Variants in FAM13B observed in about 807,000 individuals in gnomAD.
FAM13B encodes protein FAM13B.
In FAM13B, 60 loss-of-function variants were observed where a neutral mutation model predicts 117.3. That is an observed-to-expected ratio of 0.51 (90% CI 0.42 to 0.63). FAM13B has a LOEUF of 0.63. Among genes scored for constraint, FAM13B ranks in the 30% least tolerant of loss-of-function variants. The probability of loss-of-function intolerance (pLI) is 0.00; values close to 1 mark genes in which losing one functional copy is unlikely to be tolerated. For missense variants in FAM13B, 972 were observed against 1,091.9 expected (o/e 0.89, Z 1.55); for synonymous variants, 332 against 356.1 (o/e 0.93, Z 0.76).
chr5:138,007,770 T>TC (rs1464526350), intron 6 of FAM13B, among the ~76,000 whole-genome samples: 1 of 152,232 alleles, frequency 6.6e-6, no homozygotes, highest in African/African-American at 2.4e-5. Flanking sequence ...ATTATGAAAC[T>TC]GGCTACGTAG....
At chr5:138,017,495 C>T (rs1785559149) in intron 4 of FAM13B, among the ~76,000 whole-genome samples, 2 of 152,042 alleles carry the variant, frequency 1.3e-5, no homozygotes, top group Non-Finnish European at 2.9e-5. Context: ...AAATGAACTC[C>T]ATAATACCAA....
At chr5:137,947,244 AAT>A (rs536604255) in intron 18 of FAM13B, among the ~76,000 whole-genome samples, 406 of 152,336 alleles carry the variant, frequency 2.7e-3, no homozygotes, top group Non-Finnish European at 4.7e-3. Context: ...ATGAGAGTAA[AAT>A]TGAAGATTAA....
At chr5:137,963,546 T>A (rs1364487368) in intron 10 of FAM13B, among the ~76,000 whole-genome samples, 1 of 152,244 alleles carries the variant, frequency 6.6e-6, no homozygotes, top group African/African-American at 2.4e-5. Context: ...ATCTTCAATA[T>A]TTTTAAGAGT....
In FAM13B at chr5:138,011,422, C is replaced by CT. The variant is rs1215771958; in HGVS notation, c.549-274dup. Among the ~76,000 whole-genome samples the CT allele has an allele frequency of 1.8e-3, 263 of 144,932 alleles. 1 individual carries two copies. The highest frequency in any genetic ancestry group is 0.011 in the Middle Eastern group (3 of 270). On this transcript the variant is annotated intron_variant, in intron 5 of 23. Coordinates refer to ENST00000689681, the MANE Select transcript of FAM13B (RefSeq NM_001385994.1). ...ATTCCATTTCACATATCTAATTTTT[C>CT]TTTTTTTTTTTTATGAGATGGAGTC...
intron 1 of FAM13B, among the ~76,000 whole-genome samples, chr5:138,022,606 T>C (rs1473411304): frequency 6.6e-6 from 1 of 152,228 alleles, no homozygotes; most frequent in Non-Finnish European, 1.5e-5. Flanking sequence ...AATCTACCTA[T>C]CTATCCATTT....
chr5:138,045,805 C>T (rs547698019), intron 1 of FAM13B, among the ~76,000 whole-genome samples: 5 of 151,776 alleles, frequency 3.3e-5, no homozygotes, highest in South Asian at 2.1e-4. Context: ...ATTAGCCAGG[C>T]GTGGTGGTAG....
At chr5:138,034,188 A>C (rs895031887), upstream of FAM13B, 3 of 152,142 alleles carry the variant, frequency 2.0e-5, no homozygotes, top group African/African-American at 7.2e-5. Context: ...GCTCCCAGGA[A>C]CTCTGTCCAG....
chr5:137,953,827 T>C (rs909152416), intron 15 of FAM13B, among the ~76,000 whole-genome samples: 2 of 152,210 alleles, frequency 1.3e-5, no homozygotes, highest in African/African-American at 4.8e-5. Context: ...CTCAGCACCA[T>C]TTGCTGCTTC....
rs564178191 is a variant in FAM13B, at chr5:137,940,476, A to G, written c.2691-128T>C. The G allele has an allele frequency of 6.1e-6, 4 of 656,732 alleles. No individual in the cohort carries two copies. In the South Asian group the frequency reaches 8.8e-5, roughly 14 times the overall value. The allele number at this position is 656,732 out of a possible 1,614,324, so 40.7% of individuals were successfully genotyped here. ...AATAAAAAGTTGTTCTGTTAAAAAA[A>G]AAAAAAAAGGTTATTGAACTAATAC... On this transcript the variant is annotated intron_variant, in intron 23 of 23. Transcript: ENST00000689681.
intron 11 of FAM13B, among the ~76,000 whole-genome samples, chr5:137,961,895 A>C (rs575589711): frequency 6.6e-6 from 1 of 152,308 alleles, no homozygotes; most frequent in African/African-American, 2.4e-5. Flanking sequence ...CATTAGTCGA[A>C]ATACTCATTG....
intron 1 of FAM13B, among the ~76,000 whole-genome samples, chr5:138,045,486 C>T (rs1791614534): frequency 1.3e-5 from 2 of 151,346 alleles, no homozygotes; most frequent in African/African-American, 4.9e-5. Context: ...TGAGCCAAGA[C>T]TGTACCATTG....
At chr5:137,941,852 A>G in intron 23 of FAM13B, 92 bp downstream of exon 23, 2 of 1,097,930 alleles carry the variant, frequency 1.8e-6, no homozygotes, top group Non-Finnish European at 2.7e-6. Context: ...TATATGCACA[A>G]TTTCTAATCC....
chr5:138,040,657 A>T (rs1791472188), intron 1 of FAM13B, among the ~76,000 whole-genome samples: 1 of 152,228 alleles, frequency 6.6e-6, no homozygotes, highest in Non-Finnish European at 1.5e-5. Flanking sequence ...TCCAGAATTG[A>T]AGGTAAATAT....
intron 20 of FAM13B, among the ~76,000 whole-genome samples, chr5:137,945,215 A>C (rs956030271): frequency 6.6e-6 from 1 of 152,236 alleles, no homozygotes; most frequent in Admixed American, 6.5e-5. Context: ...CAGAAGGTTC[A>C]GTGAATTAAT....
At chr5:137,988,028 C>T (rs1345797486) in intron 8 of FAM13B, among the ~76,000 whole-genome samples, 1 of 152,160 alleles carries the variant, frequency 6.6e-6, no homozygotes. Context: ...AACTTATATT[C>T]TATGAACATT....
At chr5:138,034,979 G>A (rs980422837), upstream of FAM13B, among the ~76,000 whole-genome samples, 2 of 127,614 alleles carry the variant, frequency 1.6e-5, no homozygotes, top group African/African-American at 5.5e-5. Context: ...GCTCCCAGAG[G>A]GAAGGATTCC....
chr5:137,966,932 T>C (rs1007929397), intron 10 of FAM13B, among the ~76,000 whole-genome samples: 2 of 152,200 alleles, frequency 1.3e-5, no homozygotes, highest in South Asian at 4.1e-4. Flanking sequence ...GGTAAACATG[T>C]AGGACAAACA....
chr5:138,021,204 G>C lies in FAM13B; in HGVS notation c.-202-7C>G. 8.1e-7 allele frequency: 1 copy of C among 1,231,390 alleles called. No homozygotes were observed. The highest frequency in any genetic ancestry group is 1.0e-6 in the Non-Finnish European group (1 of 987,704). The allele number at this position is 1,231,390 out of a possible 1,614,324, so 76.3% of individuals were successfully genotyped here. ...CAGTACTTCAGCAGTTAATCTACAA[G>C]ACAAAAACAATTATTTCAATTTCCC... On this transcript the variant is annotated splice_polypyrimidine_tract_variant and splice_region_variant and intron_variant, in intron 1 of 23. Transcript: ENST00000689681.
intron 2 of FAM13B, chr5:138,020,045 T>C: frequency 1.1e-6 from 1 of 939,832 alleles, no homozygotes; most frequent in Non-Finnish European, 1.3e-6. Context: ...AGAGATGTCC[T>C]TTTATCAACA....
Sources: allele counts gnomAD v4.1 joint callset (sites outside exome capture counted in the v4.1 genomes callset), GRCh38; gene constraint gnomAD v4.1.1; transcripts MANE v1.5; gene names NCBI Gene and HGNC (gene_info 2026-07-23, HGNC 2026-07-21).